The following TAFA5 variants were observed in gnomAD, a reference collection of about 807,000 sequenced individuals.
TAFA5 encodes chemokine-like protein TAFA-5.
In TAFA5, 6 loss-of-function variants were observed where a neutral mutation model predicts 15.3. The observed-to-expected ratio is 0.39, with a 90% CI of 0.21 to 0.77. TAFA5 has a LOEUF of 0.77. TAFA5 is among the 30% of genes least tolerant of loss of function. The probability of loss-of-function intolerance (pLI) is 0.41; values close to 1 mark genes in which losing one functional copy is unlikely to be tolerated. For synonymous variants in TAFA5, 103 were observed against 80.7 expected, an observed-to-expected ratio of 1.28 and a Z score of -1.48; for missense variants, 161 against 193.1, an observed-to-expected ratio of 0.83 and a Z score of 0.98.
intron 2 of TAFA5, among the ~76,000 whole-genome samples, chr22:48,667,524 C>T (rs928727441): frequency 6.6e-6 from 1 of 152,184 alleles, no homozygotes; most frequent in Non-Finnish European, 1.5e-5. Flanking sequence ...GTGCCCCTCC[C>T]GCCTTCCGTG....
intron 1 of TAFA5, among the ~76,000 whole-genome samples, chr22:48,595,043 G>C (rs1569039908): frequency 6.6e-6 from 1 of 152,320 alleles, no homozygotes; most frequent in South Asian, 2.1e-4. Context: ...TCTAGTTCTA[G>C]AAAGGAGTGC....
At chr22:48,740,279 G>T (rs1183969673) in intron 3 of TAFA5, among the ~76,000 whole-genome samples, 1 of 152,124 alleles carries the variant, frequency 6.6e-6, no homozygotes, top group Non-Finnish European at 1.5e-5. Flanking sequence ...AGGGCAGGAG[G>T]TGGCTGCAGG....
At chr22:48,594,691 G>C (rs538519204) in intron 1 of TAFA5, among the ~76,000 whole-genome samples, 1 of 152,328 alleles carries the variant, frequency 6.6e-6, no homozygotes, top group Non-Finnish European at 1.5e-5. Flanking sequence ...GCAGAGGCCA[G>C]ACTGCCACTC....
chr22:48,615,823 C>A (rs1357448622), intron 1 of TAFA5, among the ~76,000 whole-genome samples: 2 of 152,152 alleles, frequency 1.3e-5, no homozygotes, highest in Non-Finnish European at 2.9e-5. Flanking sequence ...CGCAGAGAAC[C>A]CCCTCCCAGC....
At chr22:48,595,647 G>A (rs553822358) in intron 1 of TAFA5, among the ~76,000 whole-genome samples, 15 of 152,336 alleles carry the variant, frequency 9.8e-5, no homozygotes, top group African/African-American at 3.1e-4. Context: ...GCAGTGCAGC[G>A]GGCAACCTGC....
At chr22:48,739,946 C>T (rs968442847) in intron 3 of TAFA5, among the ~76,000 whole-genome samples, 1 of 152,202 alleles carries the variant, frequency 6.6e-6, no homozygotes, top group Non-Finnish European at 1.5e-5. Flanking sequence ...CTCTGGGGGC[C>T]CTGCACCCTC....
intron 1 of TAFA5, among the ~76,000 whole-genome samples, chr22:48,529,674 G>A (rs1018632600): frequency 6.6e-6 from 1 of 150,780 alleles, no homozygotes; most frequent in Admixed American, 6.6e-5. Flanking sequence ...GTGTCAGGCA[G>A]GAGATGGGGG....
At chr22:48,621,904 T>G (rs1227649879) in intron 1 of TAFA5, among the ~76,000 whole-genome samples, 3 of 152,238 alleles carry the variant, frequency 2.0e-5, no homozygotes, top group African/African-American at 7.2e-5. Context: ...TGGCACGGTT[T>G]GTGCCTCTGG....
At chr22:48,537,888 A>G (rs1483046251) in intron 1 of TAFA5, among the ~76,000 whole-genome samples, 1 of 152,060 alleles carries the variant, frequency 6.6e-6, no homozygotes, top group Non-Finnish European at 1.5e-5. Context: ...GATCAGGCTG[A>G]GGGTGTAGGG....
intron 1 of TAFA5, among the ~76,000 whole-genome samples, chr22:48,643,040 G>C (rs1926739526): frequency 1.3e-5 from 2 of 152,184 alleles, no homozygotes; most frequent in African/African-American, 4.8e-5. Context: ...TGAGTCCTGG[G>C]CCAGCCCCTG....
At chr22:48,652,810 TCTCCA>T (rs1927101811) in intron 2 of TAFA5, among the ~76,000 whole-genome samples, 1 of 6,530 alleles carries the variant, frequency 1.5e-4, no homozygotes, top group African/African-American at 7.9e-4. Flanking sequence ...GGAGGCACCC[TCTCCA>T]CTGCTTAGGG....
chr22:48,542,745 G>A (rs1329127961), intron 1 of TAFA5, among the ~76,000 whole-genome samples: 1 of 147,424 alleles, frequency 6.8e-6, no homozygotes, highest in Admixed American at 6.8e-5. Context: ...AGTGATATGT[G>A]TACTGGTGTA....
chr22:48,712,229 G>A (rs985348274), intron 3 of TAFA5, among the ~76,000 whole-genome samples: 6 of 152,184 alleles, frequency 3.9e-5, no homozygotes, highest in African/African-American at 1.2e-4. Context: ...GCTAGTTTTT[G>A]TAGTTTTAGT....
At chr22:48,703,480 ACATCACCC>A (rs1382692449) in intron 2 of TAFA5, among the ~76,000 whole-genome samples, 2 of 152,178 alleles carry the variant, frequency 1.3e-5, no homozygotes, top group Non-Finnish European at 2.9e-5. Context: ...GAAAGCTGGC[ACATCACCC>A]CAGATCCCTC....
Position 48,564,577 on chromosome 22 carries a change from G to A in TAFA5, c.112+74873G>A, listed in dbSNP as rs1190609011. ...TGAAAAAGGTACACACCATGGGCTG[G>A]GGCTCCGAGTCTTCTTCCCAAGGGT... is the stretch of plus-strand genomic sequence containing the variant. On this transcript the variant is annotated intron_variant, in intron 1 of 3. Coordinates refer to ENST00000402357, the MANE Select transcript of TAFA5 (RefSeq NM_001082967.3). Among the ~76,000 whole-genome samples, 3 of 152,344 alleles carry A rather than the reference G, an allele frequency of 2.0e-5. No individual in the cohort carries two copies. The East Asian group carries it at 5.8e-4, about 29-fold the overall frequency.
intron 1 of TAFA5, among the ~76,000 whole-genome samples, chr22:48,584,022 C>T (rs539227931): frequency 2.3e-4 from 34 of 146,556 alleles, no homozygotes; most frequent in Non-Finnish European, 4.2e-4. Flanking sequence ...ACACACCACA[C>T]GCCACACACC....
intron 2 of TAFA5, among the ~76,000 whole-genome samples, chr22:48,655,623 C>G (rs1255200623): frequency 1.3e-5 from 2 of 152,192 alleles, no homozygotes; most frequent in Non-Finnish European, 2.9e-5. Flanking sequence ...TCTCCCAACA[C>G]TGCTGCATTG....
chr22:48,651,140 C>T (rs1927039787), intron 2 of TAFA5, among the ~76,000 whole-genome samples: 1 of 152,232 alleles, frequency 6.6e-6, no homozygotes, highest in Non-Finnish European at 1.5e-5. Flanking sequence ...CCCAGGAAAT[C>T]AAAGACTGCA....
intron 1 of TAFA5, among the ~76,000 whole-genome samples, chr22:48,564,518 C>T (rs1375773547): frequency 6.6e-6 from 1 of 152,224 alleles, no homozygotes; most frequent in East Asian, 1.9e-4. Flanking sequence ...TGGTCATTGT[C>T]CTTCTGGATG....
Sources: gnomAD v4.1 joint callset for allele counts (sites outside exome capture counted in the v4.1 genomes callset) on GRCh38, gnomAD v4.1.1 for gene constraint, MANE v1.5 for transcripts, NCBI Gene and HGNC (gene_info 2026-07-23, HGNC 2026-07-21) for gene names.